FAM222B: variants seen among roughly 807,000 people sequenced by gnomAD.
FAM222B encodes the protein family with sequence similarity 222 member B.
Under a neutral mutation model 38.0 loss-of-function variants are expected in FAM222B, and 12 were observed. That is an observed-to-expected ratio of 0.32 (90% CI 0.20 to 0.51). The LOEUF (loss-of-function observed/expected upper bound fraction) is 0.51, where lower values mean the gene tolerates loss of function less well. FAM222B is among the 20% of genes least tolerant of loss of function. The probability of loss-of-function intolerance (pLI) is 0.97; values close to 1 mark genes in which losing one functional copy is unlikely to be tolerated. For missense variants in FAM222B, 716 were observed against 754.2 expected, an observed-to-expected ratio of 0.95 and a Z score of 0.59; for synonymous variants, 329 against 317.2, an observed-to-expected ratio of 1.04 and a Z score of -0.40.
chr17:28,759,212 G>A lies in FAM222B; in HGVS notation c.747C>T (p.Ile249=). ...PPNVTVSTST[I]PLSMAATLQH... ...GCAGAGTGGCCGCCATTGAAAGGGG[G>A]ATAGTTGAGGTAGACACGGTCACAT... is the stretch of plus-strand genomic sequence containing the variant. Residue 249 remains isoleucine (I), a synonymous_variant, in exon 3 of 3, where the codon ATC becomes ATT. Coordinates refer to ENST00000581407, the MANE Select transcript of FAM222B (RefSeq NM_001077498.3). This position sits in a 1 kb window ranked among gnomAD's most constrained non-coding sequence, Gnocchi z 4.8. 1.9e-6 allele frequency: 3 copies of A among 1,613,716 alleles called. No individual in the cohort carries two copies. The highest frequency in any genetic ancestry group is 2.5e-6 in the Non-Finnish European group (3 of 1,179,812).
chr17:28,760,715 C>T (rs1242955282), intron 2 of FAM222B, among the ~76,000 whole-genome samples: 1 of 152,192 alleles, frequency 6.6e-6, no homozygotes, highest in Non-Finnish European at 1.5e-5. Context: ...CCCAGAGCTA[C>T]GACTCTTCAG....
At chr17:28,778,399 G>A (rs1415425713) in intron 1 of FAM222B, among the ~76,000 whole-genome samples, 1 of 151,612 alleles carries the variant, frequency 6.6e-6, no homozygotes, top group African/African-American at 2.4e-5. Flanking sequence ...TTCCTGCTTC[G>A]TTCATGTCCC....
chr17:28,833,565 A>T (rs1477993434), intron 1 of FAM222B, among the ~76,000 whole-genome samples: 2 of 148,196 alleles, frequency 1.3e-5, no homozygotes, highest in African/African-American at 2.5e-5. Context: ...GTCAGCTGAG[A>T]TCGTGCCACT....
chr17:28,822,526 TG>T (rs2038262969), intron 1 of FAM222B, among the ~76,000 whole-genome samples: 1 of 150,810 alleles, frequency 6.6e-6, no homozygotes, highest in Non-Finnish European at 1.5e-5. Context: ...TTTGGGAGAC[TG>T]AAGTAGGAGA....
intron 1 of FAM222B, among the ~76,000 whole-genome samples, chr17:28,820,779 G>A (rs2038185330): frequency 6.6e-6 from 1 of 151,674 alleles, no homozygotes; most frequent in Non-Finnish European, 1.5e-5. Flanking sequence ...AATTACAGGC[G>A]CCTGCCACCA....
chr17:28,759,246 G>T lies in FAM222B; in HGVS notation c.713C>A (p.Ala238Asp), dbSNP rs199756566. The T allele has an allele frequency of 1.2e-6, 2 of 1,613,506 alleles. No homozygotes were observed. Among genetic ancestry groups the T allele is most frequent in the African/African-American group, 2.7e-5 (2 of 74,910 alleles). ...HGGRKMPDSD[A>D]PPNVTVSTST... Reference sequence around the variant, plus strand: ...GGTAGACACGGTCACATTCGGGGGGGCATCTGAGTCTGGCATCTTCCGGCC... The same window carrying T: ...GGTAGACACGGTCACATTCGGGGGGTCATCTGAGTCTGGCATCTTCCGGCC... Residue 238 changes from alanine to aspartate, a missense_variant, in exon 3 of 3, where the codon GCC becomes GAC. Transcript: ENST00000581407. This position sits in a 1 kb window ranked among gnomAD's most constrained non-coding sequence, Gnocchi z 4.8.
At chr17:28,791,132 G>A (rs1014741464) in intron 1 of FAM222B, among the ~76,000 whole-genome samples, 2 of 151,410 alleles carry the variant, frequency 1.3e-5, no homozygotes, top group South Asian at 2.1e-4. Flanking sequence ...GGATGGTCTC[G>A]ATCTCCTGAT....
chr17:28,809,799 C>T (rs1270395365), intron 1 of FAM222B, among the ~76,000 whole-genome samples: 1 of 151,992 alleles, frequency 6.6e-6, no homozygotes, highest in East Asian at 1.9e-4. Context: ...CAGAGCCAGA[C>T]CCTATTCTCT....
chr17:28,821,761 A>C (rs914577605), intron 1 of FAM222B, among the ~76,000 whole-genome samples: 2 of 151,982 alleles, frequency 1.3e-5, no homozygotes, highest in African/African-American at 4.8e-5. Context: ...CAGGAGTTGG[A>C]GATCAGCCTG....
chr17:28,839,694 C>G (rs1173264715), intron 1 of FAM222B, among the ~76,000 whole-genome samples: 1 of 152,142 alleles, frequency 6.6e-6, no homozygotes, highest in Non-Finnish European at 1.5e-5. Context: ...AATGACCTAT[C>G]ACAATAGTAA....
intron 1 of FAM222B, among the ~76,000 whole-genome samples, chr17:28,784,490 TTAAAAAAAAAAAAAAAAAAA>T: frequency 4.0e-5 from 1 of 24,720 alleles, no homozygotes; most frequent in East Asian, 1.3e-3. Flanking sequence ...ATCCCCTCTC[TTAAAAAAAAAAAAAAAAAAA>T]AAAAAAAAAA....
At chr17:28,826,681 CAAAAAAAA>C (rs58793747) in intron 1 of FAM222B, among the ~76,000 whole-genome samples, 3 of 85,008 alleles carry the variant, frequency 3.5e-5, no homozygotes, top group South Asian at 3.8e-4. Context: ...AACTCCGTCT[CAAAAAAAA>C]AAAAAAAAAA....
intron 1 of FAM222B, chr17:28,790,327 T>A (rs930529890): frequency 6.6e-6 from 1 of 152,194 alleles, no homozygotes; most frequent in African/African-American, 2.4e-5. Context: ...AACACCACCT[T>A]AATCAAGTGA....
At chr17:28,807,863 GAACAATT>G (rs1360500225) in intron 1 of FAM222B, among the ~76,000 whole-genome samples, 1 of 152,150 alleles carries the variant, frequency 6.6e-6, no homozygotes, top group Non-Finnish European at 1.5e-5. Context: ...AAAAATAAAT[GAACAATT>G]CAAATGTCTG....
intron 1 of FAM222B, among the ~76,000 whole-genome samples, chr17:28,800,853 GA>G (rs534314851): frequency 0.024 from 2,717 of 111,036 alleles, 63 homozygotes; most frequent in African/African-American, 0.083. Flanking sequence ...ACATTTTGTT[GA>G]AAAAAAAAAA....
chr17:28,843,582 G>T (rs936518864), upstream of FAM222B, among the ~76,000 whole-genome samples: 1 of 150,666 alleles, frequency 6.6e-6, no homozygotes, highest in Non-Finnish European at 1.5e-5. Context: ...TGACTAGCTG[G>T]GATTACAGGC....
chr17:28,848,335 T>C (rs930243864), intron 1 of FAM222B, among the ~76,000 whole-genome samples: 2 of 152,130 alleles, frequency 1.3e-5, no homozygotes, highest in African/African-American at 2.4e-5. Flanking sequence ...TGTGTGCTCC[T>C]TGCCTGGGGT....
upstream of FAM222B, among the ~76,000 whole-genome samples, chr17:28,846,528 G>C (rs1333558816): frequency 2.0e-5 from 3 of 151,910 alleles, no homozygotes; most frequent in African/African-American, 4.8e-5. Flanking sequence ...AATTAGCCGG[G>C]TGTGGTGGCC....
chr17:28,758,482 C>T lies in FAM222B; in HGVS notation c.1477G>A (p.Ala493Thr). 1.1e-5 allele frequency: 17 copies of T among 1,612,810 alleles called. No homozygotes were observed. Among genetic ancestry groups the T allele is most frequent in the Non-Finnish European group, 1.4e-5 (17 of 1,179,642 alleles). Reference sequence around the variant, plus strand: ...CCCCCGGTCCCTGCTCGGTAGTGGGCCCCGGGAGCTGCCGCACAGTCGAGG... The same window carrying T: ...CCCCCGGTCCCTGCTCGGTAGTGGGTCCCGGGAGCTGCCGCACAGTCGAGG... ...APLDCAAAPG[A>T]HYRAGTGGGP... The change falls in exon 3 of 3, where the codon GCC becomes ACC. Residue 493 changes from alanine (A) to threonine (T), a missense_variant. Physicochemically the swap from Ala to Thr is moderately conservative, Grantham distance 58. Transcript: ENST00000581407.
Sources: allele counts gnomAD v4.1 joint callset (sites outside exome capture counted in the v4.1 genomes callset), GRCh38; gene constraint gnomAD v4.1.1; non-coding constraint Gnocchi (gnomAD v3.1); transcripts MANE v1.5; gene names NCBI Gene and HGNC (gene_info 2026-07-23, HGNC 2026-07-21).